Variants in ULK4 observed in about 807,000 individuals in gnomAD.
ULK4 encodes the protein inactive serine/threonine-protein kinase ULK4.
In ULK4, 133 loss-of-function variants were observed where a neutral mutation model predicts 160.6. The observed-to-expected ratio is 0.83, with a 90% CI of 0.72 to 0.96. ULK4 has a LOEUF of 0.96. ULK4 is among the 40% of genes least tolerant of loss of function. The probability of loss-of-function intolerance (pLI) is 0.00; values close to 1 mark genes in which losing one functional copy is unlikely to be tolerated. For synonymous variants in ULK4, 534 were observed against 539.8 expected, an observed-to-expected ratio of 0.99 and a Z score of 0.15; for missense variants, 1,580 against 1,499.5, an observed-to-expected ratio of 1.05 and a Z score of -0.89.
chr3:41,748,061 T>C (rs749314497), intron 22 of ULK4, among the ~76,000 whole-genome samples: 2 of 152,088 alleles, frequency 1.3e-5, no homozygotes, highest in South Asian at 2.1e-4. Flanking sequence ...ATTTTTATAA[T>C]TGTACATTTT....
At chr3:41,897,076 A>G in intron 14 of ULK4, 73 bp from the exon 15 acceptor site, 1 of 1,363,600 alleles carries the variant, frequency 7.3e-7, no homozygotes, top group Non-Finnish European at 1.0e-6. Flanking sequence ...CATAAGAAAT[A>G]AACACAGAAT....
chr3:41,883,806 T>C, intron 17 of ULK4, 68 bp downstream of exon 17: 1 of 1,355,730 alleles, frequency 7.4e-7, no homozygotes, highest in African/African-American at 1.4e-5. Context: ...AAGCTGCAGG[T>C]TCTAAATTAC....
intron 18 of ULK4, among the ~76,000 whole-genome samples, chr3:41,828,398 C>T (rs1000186019): frequency 1.3e-5 from 2 of 149,608 alleles, no homozygotes; most frequent in African/African-American, 5.0e-5. Context: ...ATCTAGAAAA[C>T]CCCATTGTCT....
At chr3:41,662,338 A>G (rs1387267669) in intron 30 of ULK4, among the ~76,000 whole-genome samples, 1 of 152,170 alleles carries the variant, frequency 6.6e-6, no homozygotes, top group Non-Finnish European at 1.5e-5. Flanking sequence ...TAGTATTTGC[A>G]TGGCATCCTT....
chr3:41,305,050 G>A (rs2079878293), intron 35 of ULK4, among the ~76,000 whole-genome samples: 3 of 152,168 alleles, frequency 2.0e-5, no homozygotes, highest in Admixed American at 1.3e-4. Flanking sequence ...GCAGAAAAAA[G>A]TTACTATCTG....
At chr3:41,842,517 G>A (rs574053903) in intron 17 of ULK4, among the ~76,000 whole-genome samples, 69 of 152,272 alleles carry the variant, frequency 4.5e-4, no homozygotes, top group African/African-American at 1.5e-3. Flanking sequence ...ATGGCTTAAT[G>A]CCATTCTTGT....
At chr3:41,549,921 A>G (rs917538419) in intron 32 of ULK4, among the ~76,000 whole-genome samples, 1 of 152,136 alleles carries the variant, frequency 6.6e-6, no homozygotes. Context: ...AAAGAAAACA[A>G]CAACAAAAAC....
chr3:41,853,813 T>C lies in ULK4; in HGVS notation c.1657-17842A>G, dbSNP rs74678868. 8.0e-3 allele frequency among the ~76,000 whole-genome samples: 1,212 copies of C among 152,310 alleles called. 18 individuals carry two copies. The highest frequency in any genetic ancestry group is 0.028 in the African/African-American group (1,170 of 41,568). ...GTGTAGTGAGTGCCTTCCCATCTTC[T>C]GCTTCACCTAGGGCCTAATTGTAAT... On this transcript the variant is annotated intron_variant, in intron 17 of 36. Coordinates refer to ENST00000301831, the MANE Select transcript of ULK4 (RefSeq NM_017886.4).
intron 18 of ULK4, among the ~76,000 whole-genome samples, chr3:41,825,409 C>A (rs545965567): frequency 6.6e-6 from 1 of 150,832 alleles, no homozygotes; most frequent in South Asian, 2.1e-4. Flanking sequence ...AGTTAAAAAC[C>A]TTGAAAAAAA....
intron 30 of ULK4, among the ~76,000 whole-genome samples, chr3:41,661,511 GATAGATAGAT>G (rs2035163518): frequency 1.9e-5 from 2 of 105,822 alleles, no homozygotes; most frequent in African/African-American, 2.4e-4. Flanking sequence ...ATAGATAGAT[GATAGATAGAT>G]AGATAGATAA....
At chr3:41,713,741 C>T (rs1476270679) in intron 25 of ULK4, among the ~76,000 whole-genome samples, 3 of 152,174 alleles carry the variant, frequency 2.0e-5, no homozygotes, top group Non-Finnish European at 2.9e-5. Context: ...TTTATGGACA[C>T]ACTCAGTGTG....
At chr3:41,575,742 A>G (rs955849930) in intron 31 of ULK4, among the ~76,000 whole-genome samples, 4 of 152,276 alleles carry the variant, frequency 2.6e-5, no homozygotes, top group Admixed American at 2.0e-4. Context: ...GCTTGTCTTT[A>G]GAATTCCAGC....
intron 17 of ULK4, among the ~76,000 whole-genome samples, chr3:41,843,351 G>C (rs558687791): frequency 6.6e-6 from 1 of 152,202 alleles, no homozygotes; most frequent in Non-Finnish European, 1.5e-5. Flanking sequence ...TACTGTGTCC[G>C]GAATTGGTGG....
intron 32 of ULK4, among the ~76,000 whole-genome samples, chr3:41,546,051 G>A (rs1303711147): frequency 6.6e-6 from 1 of 151,850 alleles, no homozygotes; most frequent in Non-Finnish European, 1.5e-5. Flanking sequence ...TCAAAATTCT[G>A]ACCTGTTAAT....
chr3:41,658,737 A>ACACACACACACACACACTCT (rs1553628731), intron 30 of ULK4, among the ~76,000 whole-genome samples: 46 of 151,178 alleles, frequency 3.0e-4, no homozygotes, highest in South Asian at 6.3e-4. Context: ...GTACACACAC[A>ACACACACACACACACACTCT]CACACACACA....
At chr3:41,659,977 C>T (rs2035088608) in intron 30 of ULK4, among the ~76,000 whole-genome samples, 1 of 151,984 alleles carries the variant, frequency 6.6e-6, no homozygotes, top group Admixed American at 6.6e-5. Context: ...ACATATGTAA[C>T]ATGCTGGTTG....
intron 5 of ULK4, among the ~76,000 whole-genome samples, chr3:41,922,150 C>T (rs1460147004): frequency 6.6e-6 from 1 of 151,876 alleles, no homozygotes; most frequent in African/African-American, 2.4e-5. Context: ...AAGACTCCAT[C>T]GCAAATAAAA....
chr3:41,417,927 G>A (rs1433238295), intron 34 of ULK4, among the ~76,000 whole-genome samples: 2 of 152,114 alleles, frequency 1.3e-5, no homozygotes, highest in East Asian at 1.9e-4. Flanking sequence ...TCTGACCTTC[G>A]TGCTGTTTTT....
At chr3:41,573,412 T>C (rs1380638579) in intron 31 of ULK4, among the ~76,000 whole-genome samples, 1 of 152,182 alleles carries the variant, frequency 6.6e-6, no homozygotes, top group African/African-American at 2.4e-5. Flanking sequence ...ACAAGGTAAA[T>C]GCCACTGAAA....
Sources: gnomAD v4.1 joint callset for allele counts (sites outside exome capture counted in the v4.1 genomes callset) on GRCh38, gnomAD v4.1.1 for gene constraint, MANE v1.5 for transcripts, NCBI Gene and HGNC (gene_info 2026-07-23, HGNC 2026-07-21) for gene names.